The following STAB1 variants were observed in gnomAD, a reference collection of about 807,000 sequenced individuals.
STAB1 encodes stabilin-1.
STAB1 carries 250 observed loss-of-function variants against 332.4 expected under a neutral mutation model. The ratio of observed to expected loss-of-function variants is 0.75; its 90% CI spans 0.68 to 0.84. STAB1 has a LOEUF of 0.84. Among genes scored for constraint, STAB1 ranks in the 40% least tolerant of loss-of-function variants. STAB1 has a pLI of 0.00. For missense variants in STAB1, 3,249 were observed against 3,489.7 expected, an observed-to-expected ratio of 0.93 and a Z score of 1.74; for synonymous variants, 1,475 against 1,390.4, an observed-to-expected ratio of 1.06 and a Z score of -1.35.
In STAB1 at chr3:52,504,116, C is replaced by A; in HGVS notation, c.1111C>A (p.Arg371=). ...GGTGCAGAAGGCCACGCAGACAGGC[C>A]GGGTGTTCCTGCAGCTGAGGGTCGC... ...HEVQKATQTG[R]VFLQLRVAVA... is the part of the protein sequence containing the mutation. The change falls in exon 10 of 69, where the codon CGG becomes AGG. Residue 371 remains arginine (R), a synonymous_variant. Transcript: ENST00000321725. 6.3e-7 allele frequency: 1 copy of A among 1,592,178 alleles called. No homozygotes were observed.
At position 52,505,397 on chromosome 3, in the gene STAB1, G is replaced by T; in HGVS notation, c.1581+16G>T. ...CATCCTGGAGGTAAGCTCGGGGGAG[G>T]GGTCCTAGCCCATGTGGGCTTCTGG... is the stretch of plus-strand genomic sequence containing the variant. On this transcript the variant is annotated intron_variant, in intron 14 of 68. Transcript: ENST00000321725. 6.2e-7 allele frequency: 1 copy of T among 1,611,490 alleles called. No homozygotes were observed. The highest frequency in any genetic ancestry group is 8.5e-7 in the Non-Finnish European group (1 of 1,178,874).
In STAB1 at chr3:52,503,086, C is replaced by G. The variant is rs1432744902; in HGVS notation, c.671C>G (p.Thr224Arg). Residue 224 changes from threonine to arginine, a missense_variant, in exon 7 of 69, where the codon ACA becomes AGA. Transcript: ENST00000321725. ...AGCTGCAGGTGCCTGCCCGGCTACA[C>G]ACAGCAGGGCAGTGAATGCCGAGGT... Reference protein sequence around the residue: ...APSCRCLPGYTQQGSECRAPN... With the variant: ...APSCRCLPGYRQQGSECRAPN... 3 of 1,597,604 alleles carry G rather than the reference C, an allele frequency of 1.9e-6. No homozygotes were observed. Among genetic ancestry groups the G allele is most frequent in the Non-Finnish European group, 2.6e-6 (3 of 1,173,340 alleles).
chr3:52,502,288 C>T, intron 5 of STAB1, 60 bp downstream of exon 5: 2 of 1,564,068 alleles, frequency 1.3e-6, no homozygotes, highest in South Asian at 1.1e-5. Context: ...CACGCAGATG[C>T]AGTACCTACA....
intron 18 of STAB1, 57 bp downstream of exon 18, chr3:52,506,907 C>T (rs547748526): frequency 4.0e-5 from 63 of 1,585,750 alleles, no homozygotes; most frequent in South Asian, 3.0e-4. Flanking sequence ...AGCGCTGGAG[C>T]GGCAATCCTC....
rs1708659674 is a variant in STAB1, at chr3:52,504,059, G to A, written c.1054G>A (p.Gly352Arg). 1 of 1,589,408 alleles carries A rather than the reference G, an allele frequency of 6.3e-7. No homozygotes were observed. The highest frequency in any genetic ancestry group is 1.3e-5 in the African/African-American group (1 of 74,482). ...CVCRESEVGD[G>R]RACYGHLLHE... ...GTGCAGGGAAAGCGAGGTGGGGGAT[G>A]GGCGTGCCTGCTACGGACACCTGCT... Residue 352 changes from glycine to arginine, a missense_variant, in exon 10 of 69, where the codon GGG becomes AGG. Transcript: ENST00000321725.
rs751076717 is a variant in STAB1 at position 52,517,315 on chromosome 3, C to T, written c.4490-5C>T. The T allele has an allele frequency of 7.7e-6, 12 of 1,568,110 alleles. No individual in the cohort carries two copies. The highest frequency in any genetic ancestry group is 1.2e-5 in the South Asian group (1 of 82,634). ...CCACCCCCATCCCAGTGTCTCTTCCCCCAGAAATTAACAGCTGTCTCATCC... is the reference window on the plus strand; with the variant it reads ...CCACCCCCATCCCAGTGTCTCTTCCTCCAGAAATTAACAGCTGTCTCATCC... On this transcript the variant is annotated splice_region_variant and splice_polypyrimidine_tract_variant and intron_variant, in intron 42 of 68. Coordinates refer to ENST00000321725, the MANE Select transcript of STAB1 (RefSeq NM_015136.3).
Position 52,509,337 on chromosome 3 carries a change from TCAG to T in STAB1, c.2347+17_2347+19del, listed in dbSNP as rs1219391413. 1 of 1,607,416 alleles carries T rather than the reference TCAG, an allele frequency of 6.2e-7. No homozygotes were observed. Among genetic ancestry groups the T allele is most frequent in the Non-Finnish European group, 8.5e-7 (1 of 1,175,620 alleles). On this transcript the variant is annotated intron_variant, in intron 22 of 68. Coordinates refer to ENST00000321725, the MANE Select transcript of STAB1 (RefSeq NM_015136.3). ...TGCCAGGAAGGTGGGTGGTCCTGGC[TCAG>T]GCCACCTCCTAGGGAGAAAAAACGT... is the stretch of plus-strand genomic sequence containing the variant.
intron 16 of STAB1, 61 bp from the exon 17 acceptor site, chr3:52,506,109 T>G (rs750149322): frequency 9.0e-6 from 14 of 1,560,398 alleles, no homozygotes; most frequent in African/African-American, 1.4e-5. Context: ...TGGGCAGGAC[T>G]GGGCGTGGCC....
At chr3:52,497,798 A>C (rs1708155487) in intron 1 of STAB1, among the ~76,000 whole-genome samples, 1 of 152,106 alleles carries the variant, frequency 6.6e-6, no homozygotes, top group Non-Finnish European at 1.5e-5. Context: ...CATAGACACC[A>C]AGGAACAACT....
At chr3:52,518,232 C>G (rs2078941596) in intron 45 of STAB1, 80 bp from the exon 46 acceptor site, 1 of 1,596,028 alleles carries the variant, frequency 6.3e-7, no homozygotes, top group African/African-American at 1.3e-5. Flanking sequence ...TTGGCTAGAC[C>G]TTGGGCCGCA....
At position 52,503,068 on chromosome 3, in the gene STAB1, G is replaced by A. The variant is rs753485084; in HGVS notation, c.653G>A (p.Arg218Lys). Residue 218 changes from arginine (R) to lysine (K), a missense_variant, in exon 7 of 69, where the codon AGG becomes AAG. Transcript: ENST00000321725. Reference sequence around the variant, plus strand: ...TGCTCCGCAGAGGCTCCCAGCTGCAGGTGCCTGCCCGGCTACACACAGCAG... The same window carrying A: ...TGCTCCGCAGAGGCTCCCAGCTGCAAGTGCCTGCCCGGCTACACACAGCAG... ...TQCSAEAPSC[R>K]CLPGYTQQGS... 3 of 1,602,656 alleles carry A rather than the reference G, an allele frequency of 1.9e-6. No individual in the cohort carries two copies. The Admixed American group carries it at 5.1e-5, about 27-fold the overall frequency.
chr3:52,503,316 C>T (rs1395826946), intron 7 of STAB1, 28 bp from the exon 8 acceptor site: 15 of 1,587,580 alleles, frequency 9.4e-6, no homozygotes, highest in African/African-American at 9.4e-5. Flanking sequence ...GTGCTTGGCT[C>T]ACTTGGGCTC....
At position 52,505,073 on chromosome 3, in the gene STAB1, C is replaced by G. The variant is rs1708747157; in HGVS notation, c.1448C>G (p.Ala483Gly). Residue 483 changes from alanine (A) to glycine (G), a missense_variant, in exon 13 of 69, where the codon GCT (alanine) becomes GGT (glycine). Transcript: ENST00000321725. ...FNIYKANNIA[A>G]NGVFHVVTGL... is the part of the protein sequence containing the mutation. ...ATCTACAAGGCCAACAACATAGCAG[C>G]TAATGGCGTCTTCCACGTGGTCACT... is the stretch of plus-strand genomic sequence containing the variant. 6.2e-7 allele frequency: 1 copy of G among 1,613,804 alleles called. No individual in the cohort carries two copies. Among genetic ancestry groups the G allele is most frequent in the East Asian group, 2.2e-5 (1 of 44,874 alleles).
chr3:52,496,158 A>G (rs961592182), intron 1 of STAB1, among the ~76,000 whole-genome samples: 2 of 152,150 alleles, frequency 1.3e-5, no homozygotes, highest in African/African-American at 4.8e-5. Flanking sequence ...CCTGCCTGTG[A>G]TGGCCATCCG....
chr3:52,515,116 C>G, intron 36 of STAB1, 71 bp downstream of exon 36: 1 of 1,564,700 alleles, frequency 6.4e-7, no homozygotes, highest in Non-Finnish European at 8.7e-7. Flanking sequence ...GCCCAATCCC[C>G]TCACCCTCCA....
In STAB1 at chr3:52,520,996, G is replaced by A; in HGVS notation, c.5899G>A (p.Glu1967Lys). The A allele has an allele frequency of 1.3e-6, 2 of 1,541,178 alleles. No homozygotes were observed. Among genetic ancestry groups the A allele is most frequent in the Non-Finnish European group, 1.7e-6 (2 of 1,146,542 alleles). ...CTGCTGCCCTGGTCACTATGGCAGT[G>A]AGTGCCAAGGTGAGCATTGCAGACA... ...PSCCPGHYGS[E>K]CQACPGGPSS... Residue 1967 changes from glutamate to lysine, a missense_variant, in exon 55 of 69, where the codon GAG (glutamate) becomes AAG (lysine). Physicochemically the swap from Glu to Lys is moderately conservative, Grantham distance 56 (BLOSUM62 1). Coordinates refer to ENST00000321725, the MANE Select transcript of STAB1 (RefSeq NM_015136.3).
chr3:52,501,172 T>C lies in STAB1; in HGVS notation c.85T>C (p.Phe29Leu), dbSNP rs1247340598. ...GFSFVRGQVL[F>L]KGCDVKTTFV... The stretch of plus-strand genomic sequence containing the variant: ...ACCCTGCCTGTGGCCCCAGGTGCTG[T>C]TCAAAGGCTGTGATGTGAAAACCAC... Residue 29 changes from phenylalanine (F) to leucine (L), a missense_variant, in exon 2 of 69, where the codon TTC becomes CTC. By Grantham distance (22) the Phe-to-Leu change is conservative. Coordinates refer to ENST00000321725, the MANE Select transcript of STAB1 (RefSeq NM_015136.3). 1 of 1,613,162 alleles carries C rather than the reference T, an allele frequency of 6.2e-7. No individual in the cohort carries two copies.
rs111532947 is a variant in STAB1, at chr3:52,513,088, A to G, written c.3159-42A>G. ...AGCCCCAAAGGTCTCTGTAAGTTAC[A>G]CTAACCTGATTCCATGACCCCCCTA... On this transcript the variant is annotated intron_variant, in intron 29 of 68. Transcript: ENST00000321725. 4.0e-4 allele frequency: 622 copies of G among 1,554,284 alleles called. 3 individuals carry two copies. The African/African-American group carries it at 4.7e-3, about 12-fold the overall frequency.
Position 52,503,765 on chromosome 3 carries a change from G to A in STAB1, c.892-7G>A, listed in dbSNP as rs1441559703. 1.2e-6 allele frequency: 2 copies of A among 1,612,966 alleles called. No homozygotes were observed. The highest frequency in any genetic ancestry group is 1.3e-5 in the African/African-American group (1 of 75,044). ...TGGTGTTCCCCTCCTGCCCTGTCGG[G>A]GGCCAGGCCTTCTGCACCTGCCGGC... On this transcript the variant is annotated splice_polypyrimidine_tract_variant and splice_region_variant and intron_variant, in intron 8 of 68. Coordinates refer to ENST00000321725, the MANE Select transcript of STAB1 (RefSeq NM_015136.3).
Sources: gnomAD v4.1 joint callset for allele counts (sites outside exome capture counted in the v4.1 genomes callset) on GRCh38, gnomAD v4.1.1 for gene constraint, MANE v1.5 for transcripts, NCBI Gene and HGNC (gene_info 2026-07-23, HGNC 2026-07-21) for gene names.